MACF1: variants seen among roughly 807,000 people sequenced by gnomAD.
MACF1 encodes microtubule actin crosslinking factor 1.
MACF1 carries 193 observed loss-of-function variants against 854.8 expected under a neutral mutation model. The observed-to-expected ratio is 0.23, with a 90% CI of 0.20 to 0.25. The LOEUF is 0.25. Ranked by LOEUF, MACF1 falls within the 10% of genes least tolerant of loss-of-function variation. The pLI is 1.00. For synonymous variants in MACF1, 3,185 were observed against 3,226.7 expected (o/e 0.99, Z 0.44); for missense variants, 7,722 against 8,929.1 (o/e 0.86, Z 5.45).
rs1644104821 is a variant in MACF1, at chr1:39,440,980, ATATTC to A, written c.18448-17_18448-13del. Reference sequence around the variant, plus strand: ...TCTGTTCTGTTTTCTATTTTGGCTTATATTCTATTCGTTTACATGTAGACTATTAA... The same window carrying A: ...TCTGTTCTGTTTTCTATTTTGGCTTATATTCGTTTACATGTAGACTATTAA... On this transcript the variant is annotated intron_variant, in intron 72 of 100. Transcript: ENST00000564288. The A allele has an allele frequency of 6.2e-7, 1 of 1,613,856 alleles. No homozygotes were observed. Among genetic ancestry groups the A allele is most frequent in the African/African-American group, 1.3e-5 (1 of 74,908 alleles).
chr1:39,200,585 G>T (rs553474659), upstream of MACF1, among the ~76,000 whole-genome samples: 11 of 152,094 alleles, frequency 7.2e-5, no homozygotes, highest in Non-Finnish European at 1.5e-4. Context: ...TGTAATCCCA[G>T]CTTCTTGGGA....
At position 39,295,153 on chromosome 1, in the gene MACF1, G is replaced by A. The variant is rs1226430054; in HGVS notation, c.2259+3G>A. On this transcript the variant is annotated splice_donor_region_variant and intron_variant, in intron 19 of 100. Coordinates refer to ENST00000564288, the MANE Select transcript of MACF1 (RefSeq NM_001394062.1). ...ACCCAGCCAAGCAGACAGTGGAGGT[G>A]TGTGACTTGAGAATGTGTGAAGGTC... 6.2e-7 allele frequency: 1 copy of A among 1,612,040 alleles called. No homozygotes were observed. Among genetic ancestry groups the A allele is most frequent in the Non-Finnish European group, 8.5e-7 (1 of 1,178,230 alleles).
rs1056935890 is a variant in MACF1, at chr1:39,464,916, A to C, written c.21754-179A>C. On this transcript the variant is annotated intron_variant, in intron 94 of 100. Transcript: ENST00000564288. ...GCAACAGAGCGAGACTCTCAAAAAAAAAAAAAAAAATTAAAACCACATCCC... is the reference window on the plus strand; with the variant it reads ...GCAACAGAGCGAGACTCTCAAAAAACAAAAAAAAAATTAAAACCACATCCC... 14 of 625,014 alleles carry C rather than the reference A, an allele frequency of 2.2e-5. No individual in the cohort carries two copies. In the African/African-American group the frequency reaches 2.4e-4, roughly 11 times the overall value. 38.7% of individuals were successfully genotyped at this position (625,014 alleles called of 1,614,324 possible).
rs1327576668 is a variant in MACF1, at chr1:39,309,576, A to G, written c.2796A>G (p.Glu932=). ...KDAIEMASRV[E]QSYQKVMALW... is the part of the protein sequence containing the mutation. ...GGTTCTGTGTTATTTCTAGGGTCGA[A>G]CAATCTTATCAGAAGGTTATGGCCC... is the stretch of plus-strand genomic sequence containing the variant. The change falls in exon 24 of 101, where the codon GAA becomes GAG. Residue 932 remains glutamate, a synonymous_variant. Coordinates refer to ENST00000564288, the MANE Select transcript of MACF1 (RefSeq NM_001394062.1). 12 of 1,614,052 alleles carry G rather than the reference A, an allele frequency of 7.4e-6. No homozygotes were observed. Among genetic ancestry groups the G allele is most frequent in the Non-Finnish European group, 1.0e-5 (12 of 1,180,006 alleles).
At chr1:39,197,604 C>T (rs765011523) in intron 2 of MACF1, among the ~76,000 whole-genome samples, 7 of 152,096 alleles carry the variant, frequency 4.6e-5, no homozygotes, top group Non-Finnish European at 8.8e-5. Context: ...TGTGAAAAGA[C>T]GGTTGTGGTG....
chr1:39,213,019 G>C (rs562390825), intron 1 of MACF1, among the ~76,000 whole-genome samples: 2 of 152,138 alleles, frequency 1.3e-5, no homozygotes, highest in Non-Finnish European at 2.9e-5. Context: ...TCTGGTTTAG[G>C]TCCTTCTCAG....
In MACF1 at chr1:39,099,888, A is replaced by G. The variant is rs114893481; in HGVS notation, c.220+15450A>G. Among the ~76,000 whole-genome samples the G allele has an allele frequency of 4.3e-3, 660 of 152,302 alleles. 2 individuals carry two copies. The highest frequency in any genetic ancestry group is 7.2e-3 in the Non-Finnish European group (490 of 68,022). ...CCACAGTACATGTACCTGGAGTTCAAGACCAACATAGTGAGACCCTGTCTC... is the reference window on the plus strand; with the variant it reads ...CCACAGTACATGTACCTGGAGTTCAGGACCAACATAGTGAGACCCTGTCTC... On this transcript the variant is annotated intron_variant, in intron 2 of 93. Transcript: ENST00000361689.
chr1:39,428,994 T>C (rs1643812515), intron 63 of MACF1, among the ~76,000 whole-genome samples: 1 of 152,184 alleles, frequency 6.6e-6, no homozygotes. Context: ...TACCAATAAT[T>C]GGTAAAGCTG....
intron 91 of MACF1, chr1:39,459,960 C>T: frequency 1.7e-6 from 1 of 605,594 alleles, no homozygotes; most frequent in African/African-American, 2.0e-5. Context: ...GAAACTGCTG[C>T]ACTCTTTAAG....
intron 97 of MACF1, among the ~76,000 whole-genome samples, chr1:39,478,294 C>T (rs1395071900): frequency 1.3e-5 from 2 of 152,122 alleles, no homozygotes; most frequent in Admixed American, 6.6e-5. Flanking sequence ...TGAGCCACTT[C>T]GCCCGGCCAA....
intron 70 of MACF1, 106 bp downstream of exon 70, chr1:39,435,867 T>A: frequency 1.1e-6 from 1 of 938,496 alleles, no homozygotes; most frequent in South Asian, 1.6e-5. Flanking sequence ...GAGCAGCATG[T>A]TAATACGTGA....
At chr1:39,212,954 C>T (rs1446989843) in intron 1 of MACF1, among the ~76,000 whole-genome samples, 1 of 152,176 alleles carries the variant, frequency 6.6e-6, no homozygotes, top group Non-Finnish European at 1.5e-5. Flanking sequence ...TGTTACCCTT[C>T]CCAAGAATAT....
At chr1:39,245,376 T>C (rs956646712) in intron 2 of MACF1, among the ~76,000 whole-genome samples, 1 of 152,068 alleles carries the variant, frequency 6.6e-6, no homozygotes, top group African/African-American at 2.4e-5. Context: ...TGCAACCCCC[T>C]CCAGCGCGAT....
rs754354538 is a variant in MACF1 at position 39,335,650 on chromosome 1, C to T, written c.9062C>T (p.Thr3021Ile). The T allele has an allele frequency of 3.5e-5, 56 of 1,613,880 alleles. No individual in the cohort carries two copies. The highest frequency in any genetic ancestry group is 3.3e-4 in the Middle Eastern group (2 of 6,084). Residue 3021 changes from threonine (T) to isoleucine (I), a missense_variant, in exon 37 of 101, where the codon ACC (threonine) becomes ATC (isoleucine). Coordinates refer to ENST00000564288, the MANE Select transcript of MACF1 (RefSeq NM_001394062.1). The part of the protein sequence containing the change: ...SHIKSQPREM[T>I]SSEKGKEADT... Reference sequence around the variant, plus strand: ...ATAAAGAGCCAACCTAGGGAAATGACCTCAAGTGAAAAAGGGAAAGAAGCT... The same window carrying T: ...ATAAAGAGCCAACCTAGGGAAATGATCTCAAGTGAAAAAGGGAAAGAAGCT...
At chr1:39,251,136 C>G (rs747309942) in intron 3 of MACF1, among the ~76,000 whole-genome samples, 5 of 152,004 alleles carry the variant, frequency 3.3e-5, no homozygotes, top group Non-Finnish European at 7.4e-5. Context: ...AGGATTGGGG[C>G]TTGGCTTCCC....
chr1:39,150,052 C>A (rs1380876757), intron 2 of MACF1, among the ~76,000 whole-genome samples: 1 of 150,198 alleles, frequency 6.7e-6, no homozygotes, highest in African/African-American at 2.5e-5. Flanking sequence ...TGGAGACTGT[C>A]TCCCTCTGTC....
intron 58 of MACF1, among the ~76,000 whole-genome samples, chr1:39,419,956 C>T (rs1643473547): frequency 6.6e-6 from 1 of 152,180 alleles, no homozygotes; most frequent in Non-Finnish European, 1.5e-5. Context: ...GCATGAGCCA[C>T]TTGCCTAGCC....
At chr1:39,463,521 GCCTC>G (rs1207768836) in intron 93 of MACF1, 87 bp from the exon 94 acceptor site, 20 of 825,652 alleles carry the variant, frequency 2.4e-5, no homozygotes, top group Non-Finnish European at 4.0e-5. Flanking sequence ...ATAATGAATA[GCCTC>G]CCTGTTAATG....
rs1396404263 is a variant in MACF1 at position 39,292,337 on chromosome 1, CT to C, written c.1914+300del. Among the ~76,000 whole-genome samples the C allele has an allele frequency of 2.6e-5, 4 of 152,214 alleles. No homozygotes were observed. The East Asian group carries it at 7.7e-4, about 29-fold the overall frequency. On this transcript the variant is annotated intron_variant, in intron 16 of 100. Transcript: ENST00000564288. ...GCATCCAAACTCAGGCCCTCTGCCTCTATAAATTCAGGCACTTTTTACTTCC... is the reference window on the plus strand; with the variant it reads ...GCATCCAAACTCAGGCCCTCTGCCTCATAAATTCAGGCACTTTTTACTTCC...
Sources: gnomAD v4.1 joint callset for allele counts (sites outside exome capture counted in the v4.1 genomes callset) on GRCh38, gnomAD v4.1.1 for gene constraint, MANE v1.5 for transcripts, NCBI Gene and HGNC (gene_info 2026-07-23, HGNC 2026-07-21) for gene names.